Variants in SLC24A3 observed in about 807,000 individuals in gnomAD.
The protein encoded by SLC24A3 is solute carrier family 24 member 3, also known as sodium/potassium/calcium exchanger 3.
In SLC24A3, 28 loss-of-function variants were observed where a neutral mutation model predicts 75.8. That is an observed-to-expected ratio of 0.37 (90% CI 0.27 to 0.51). SLC24A3 has a LOEUF of 0.51. SLC24A3 is among the 20% of genes least tolerant of loss of function. The pLI is 0.94. For synonymous variants in SLC24A3, 372 were observed against 334.1 expected (o/e 1.11, Z -1.24); for missense variants, 663 against 847.8 (o/e 0.78, Z 2.71).
At chr20:19,485,338 GA>G (rs1489486345) in intron 2 of SLC24A3, among the ~76,000 whole-genome samples, 1 of 152,180 alleles carries the variant, frequency 6.6e-6, no homozygotes, top group African/African-American at 2.4e-5. Flanking sequence ...CTGGACTGAT[GA>G]GTCCATGTGG....
intron 2 of SLC24A3, among the ~76,000 whole-genome samples, chr20:19,495,381 A>T (rs1325968747): frequency 2.0e-5 from 3 of 152,190 alleles, no homozygotes; most frequent in African/African-American, 7.2e-5. Flanking sequence ...TTTCCTTTCC[A>T]GCCCTTTCCT....
chr20:19,693,792 A>G (rs1052480854), intron 13 of SLC24A3: 1 of 176,468 alleles, frequency 5.7e-6, no homozygotes, highest in Admixed American at 5.8e-5. Flanking sequence ...GTGCATCATT[A>G]GAATGCAAGA....
At chr20:19,359,410 A>C (rs1263849010) in intron 2 of SLC24A3, among the ~76,000 whole-genome samples, 1 of 152,300 alleles carries the variant, frequency 6.6e-6, no homozygotes, top group Non-Finnish European at 1.5e-5. Flanking sequence ...CTGAGGAGCC[A>C]TACTGGGGGC....
intron 6 of SLC24A3, among the ~76,000 whole-genome samples, chr20:19,639,828 G>T (rs1412358424): frequency 6.6e-6 from 1 of 152,258 alleles, no homozygotes; most frequent in Admixed American, 6.5e-5. Flanking sequence ...CCGGTGGGCT[G>T]GCACTGCTGG....
At chr20:19,543,024 TAGG>T (rs1206903085) in intron 3 of SLC24A3, among the ~76,000 whole-genome samples, 1 of 152,166 alleles carries the variant, frequency 6.6e-6, no homozygotes, top group Non-Finnish European at 1.5e-5. Flanking sequence ...TTAAAGCACT[TAGG>T]AGGAGGCCTG....
intron 12 of SLC24A3, among the ~76,000 whole-genome samples, chr20:19,692,718 A>G (rs1016213015): frequency 6.6e-6 from 1 of 152,204 alleles, no homozygotes; most frequent in Admixed American, 6.5e-5. Flanking sequence ...TAATCAGGTT[A>G]GTAATACAGG....
chr20:19,631,306 C>T (rs149080579), intron 6 of SLC24A3, among the ~76,000 whole-genome samples: 60 of 152,292 alleles, frequency 3.9e-4, no homozygotes, highest in African/African-American at 1.2e-3. Flanking sequence ...GAGATCACAC[C>T]GCTGTGCTCC....
intron 2 of SLC24A3, among the ~76,000 whole-genome samples, chr20:19,371,714 A>G (rs1985995863): frequency 6.6e-6 from 1 of 152,140 alleles, no homozygotes; most frequent in Admixed American, 6.5e-5. Context: ...CCCCAGACCC[A>G]GTTCTAATCT....
At chr20:19,558,877 A>G (rs971737695) in intron 3 of SLC24A3, among the ~76,000 whole-genome samples, 2 of 152,208 alleles carry the variant, frequency 1.3e-5, no homozygotes, top group Admixed American at 1.3e-4. Flanking sequence ...TCGTTCATCC[A>G]TTCACTAATT....
intron 1 of SLC24A3, among the ~76,000 whole-genome samples, chr20:19,255,051 G>C (rs1340566900): frequency 2.0e-5 from 3 of 152,220 alleles, no homozygotes; most frequent in Non-Finnish European, 2.9e-5. Context: ...AGTAGTAAAT[G>C]TTTTTGATTC....
chr20:19,434,568 A>T (rs555507190), intron 2 of SLC24A3, among the ~76,000 whole-genome samples: 1 of 152,122 alleles, frequency 6.6e-6, no homozygotes, highest in East Asian at 1.9e-4. Flanking sequence ...AGAATTTGTC[A>T]TTTTTGCTCA....
intron 3 of SLC24A3, among the ~76,000 whole-genome samples, chr20:19,521,422 A>C: frequency 6.6e-6 from 1 of 152,150 alleles, no homozygotes; most frequent in Non-Finnish European, 1.5e-5. Flanking sequence ...AGGTTTCCAT[A>C]GGAGGCCTGG....
At chr20:19,353,265 G>A (rs1190709583) in intron 2 of SLC24A3, among the ~76,000 whole-genome samples, 1 of 152,166 alleles carries the variant, frequency 6.6e-6, no homozygotes, top group African/African-American at 2.4e-5. Context: ...AAACTTCTAT[G>A]TCAGCTCCCC....
intron 3 of SLC24A3, among the ~76,000 whole-genome samples, chr20:19,551,870 C>A (rs925838694): frequency 2.0e-5 from 3 of 152,170 alleles, no homozygotes; most frequent in Non-Finnish European, 4.4e-5. Flanking sequence ...GCTGCCTGAT[C>A]TATCATTGGG....
chr20:19,621,083 C>T (rs1055676283), intron 6 of SLC24A3, among the ~76,000 whole-genome samples: 16 of 152,178 alleles, frequency 1.1e-4, no homozygotes, highest in Admixed American at 3.3e-4. Flanking sequence ...CTAGACTCTG[C>T]GCCCACACCA....
intron 3 of SLC24A3, among the ~76,000 whole-genome samples, chr20:19,539,998 G>A (rs149718461): frequency 1.2e-4 from 19 of 152,236 alleles, no homozygotes; most frequent in Middle Eastern, 3.4e-3. Context: ...GTGACCTTTC[G>A]GAATTGTATG....
At chr20:19,280,882 G>C in intron 1 of SLC24A3, 77 bp from the exon 2 acceptor site, 1 of 1,532,582 alleles carries the variant, frequency 6.5e-7, no homozygotes, top group Non-Finnish European at 8.8e-7. Flanking sequence ...GGCTGATCAG[G>C]GCAGCGGGCA....
intron 6 of SLC24A3, among the ~76,000 whole-genome samples, chr20:19,599,290 A>C (rs529332484): frequency 1.4e-3 from 213 of 152,300 alleles, no homozygotes; most frequent in Middle Eastern, 3.4e-3. Context: ...AGGCTGTAGA[A>C]CATGTCTCAC....
chr20:19,329,507 T>C (rs1984948487), intron 2 of SLC24A3, among the ~76,000 whole-genome samples: 1 of 152,244 alleles, frequency 6.6e-6, no homozygotes, highest in South Asian at 2.1e-4. Context: ...TGGGCACTTA[T>C]AAATCATTTC....
Sources: gnomAD v4.1 joint callset for allele counts (sites outside exome capture counted in the v4.1 genomes callset) on GRCh38, gnomAD v4.1.1 for gene constraint, MANE v1.5 for transcripts, NCBI Gene and HGNC (gene_info 2026-07-23, HGNC 2026-07-21) for gene names.